Variants in TEAD2 observed in about 807,000 individuals in gnomAD.
TEAD2 encodes TEA domain transcription factor 2, also known as transcriptional enhancer factor TEF-4.
A neutral mutation model predicts 61.4 loss-of-function variants in TEAD2; 51 were observed. The observed-to-expected ratio is 0.83, with a 90% confidence interval of 0.66 to 1.05. The LOEUF (loss-of-function observed/expected upper bound fraction) is 1.05. TEAD2 is among the 50% of genes least tolerant of loss of function. The pLI, the probability that TEAD2 is intolerant of heterozygous loss-of-function variation, is 0.00. For synonymous variants in TEAD2, 244 were observed against 243.2 expected (o/e 1.00, Z -0.03); for missense variants, 509 against 600.0 (o/e 0.85, Z 1.58).
At chr19:49,342,053 G>A (rs1336589692) in intron 12 of TEAD2, among the ~76,000 whole-genome samples, 6 of 152,136 alleles carry the variant, frequency 3.9e-5, no homozygotes, top group African/African-American at 9.7e-5. Context: ...TTAGCCAGGC[G>A]TGGTGGGGCG....
intron 7 of TEAD2, among the ~76,000 whole-genome samples, chr19:49,353,101 T>C (rs1249341158): frequency 2.0e-5 from 3 of 146,622 alleles, no homozygotes; most frequent in Non-Finnish European, 4.5e-5. Flanking sequence ...ACTCCCATTC[T>C]TTTTTTTTTT....
At chr19:49,344,428 A>G (rs1266454807) in intron 10 of TEAD2, among the ~76,000 whole-genome samples, 1 of 151,854 alleles carries the variant, frequency 6.6e-6, no homozygotes, top group Non-Finnish European at 1.5e-5. Context: ...TTACAGGCGC[A>G]CGCCACCATG....
chr19:49,357,228 C>A, intron 4 of TEAD2, 24 bp downstream of exon 4: 1 of 1,602,466 alleles, frequency 6.2e-7, no homozygotes, highest in Non-Finnish European at 8.5e-7. Context: ...GTCCCCCTCT[C>A]AGGATGTCTG....
chr19:49,346,178 A>T (rs1387670038), intron 10 of TEAD2, among the ~76,000 whole-genome samples: 111 of 148,056 alleles, frequency 7.5e-4, no homozygotes, highest in East Asian at 3.2e-3. Context: ...AAAAAAAAAA[A>T]AAAAAAACAA....
intron 7 of TEAD2, among the ~76,000 whole-genome samples, chr19:49,353,958 T>TA (rs1568573034): frequency 0.015 from 1,059 of 68,470 alleles, 8 homozygotes; most frequent in Middle Eastern, 0.064. Flanking sequence ...TTGTTTTTTG[T>TA]TTTTTTTTTT....
chr19:49,345,214 G>A (rs906797258), intron 10 of TEAD2, among the ~76,000 whole-genome samples: 7 of 152,170 alleles, frequency 4.6e-5, no homozygotes, highest in Admixed American at 2.6e-4. Flanking sequence ...CTCCAGAACC[G>A]TGAACAGCAA....
chr19:49,357,240 A>G lies in TEAD2; in HGVS notation c.360+12T>C. ...TCTGTCCCCCTCTCAGGATGTCTGCATTGGTCCCTACCTTCAACTTGGACT... is the reference window on the plus strand; with the variant it reads ...TCTGTCCCCCTCTCAGGATGTCTGCGTTGGTCCCTACCTTCAACTTGGACT... On this transcript the variant is annotated intron_variant, in intron 4 of 12. Coordinates refer to ENST00000593945, the MANE Select transcript of TEAD2 (RefSeq NM_001256660.2). 6.8e-7 allele frequency: 1 copy of G among 1,479,902 alleles called. No individual in the cohort carries two copies. 91.7% of individuals were successfully genotyped at this position (1,479,902 alleles called of 1,614,324 possible).
chr19:49,347,736 AG>A (rs1691771587), intron 9 of TEAD2, among the ~76,000 whole-genome samples: 1 of 152,104 alleles, frequency 6.6e-6, no homozygotes. Flanking sequence ...ATAGCTCCCC[AG>A]CAGCCCCAGG....
At chr19:49,356,966 C>CTGGGTCTCTGTCCCCCTCTGTCTA (rs1972443669) in intron 4 of TEAD2, among the ~76,000 whole-genome samples, 1 of 151,388 alleles carries the variant, frequency 6.6e-6, no homozygotes, top group Non-Finnish European at 1.5e-5. Context: ...CCCTCTGTCT[C>CTGGGTCTCTGTCCCCCTCTGTCTA]TGGGTCTCTG....
intron 4 of TEAD2, 94 bp downstream of exon 4, chr19:49,357,158 C>A: frequency 7.8e-7 from 1 of 1,287,652 alleles, no homozygotes; most frequent in South Asian, 1.2e-5. Flanking sequence ...GTCTCTGTCC[C>A]CCTCTCCCTG....
chr19:49,342,693 A>G, intron 11 of TEAD2, 103 bp from the exon 12 acceptor site: 1 of 1,408,782 alleles, frequency 7.1e-7, no homozygotes, highest in Non-Finnish European at 9.8e-7. Context: ...CACCACACTC[A>G]CTCTCACTGC....
intron 9 of TEAD2, among the ~76,000 whole-genome samples, chr19:49,347,870 T>G (rs1269367371): frequency 1.3e-5 from 2 of 152,164 alleles, no homozygotes; most frequent in Admixed American, 1.3e-4. Context: ...TGATTGATGT[T>G]TATATGGTGT....
At position 49,360,003 on chromosome 19, in the gene TEAD2, C is replaced by T. The variant is rs2146656297; in HGVS notation, c.73G>A (p.Glu25Lys). ...GCCCCCTCACTGCCGCCGGTACCCTCCTCACTGCCTTCCTCACTGCCCGTC... is the reference window on the plus strand; with the variant it reads ...GCCCCCTCACTGCCGCCGGTACCCTTCTCACTGCCTTCCTCACTGCCCGTC... Reference protein sequence around the residue: ...GWTGSEEGSEEGTGGSEGAGG... With the variant: ...GWTGSEEGSEKGTGGSEGAGG... The change falls in exon 2 of 13, where the codon GAG becomes AAG. Residue 25 changes from glutamate to lysine, a missense_variant. Glu to Lys is a moderately conservative substitution (Grantham distance 56, BLOSUM62 1). Transcript: ENST00000593945. 5 of 1,609,590 alleles carry T rather than the reference C, an allele frequency of 3.1e-6. No homozygotes were observed. The highest frequency in any genetic ancestry group is 2.2e-5 in the East Asian group (1 of 44,880).
At chr19:49,350,315 T>A (rs1971930874) in intron 8 of TEAD2, among the ~76,000 whole-genome samples, 1 of 152,168 alleles carries the variant, frequency 6.6e-6, no homozygotes, top group South Asian at 2.1e-4. Context: ...TATTATTTTT[T>A]ATTTTATTTA....
chr19:49,350,297 A>T (rs931129833), intron 8 of TEAD2, among the ~76,000 whole-genome samples: 3 of 151,668 alleles, frequency 2.0e-5, no homozygotes, highest in Admixed American at 1.3e-4. Context: ...AAATCAATAC[A>T]TTTTTCTTAT....
chr19:49,343,616 G>A (rs978251945), intron 10 of TEAD2, among the ~76,000 whole-genome samples: 1 of 151,996 alleles, frequency 6.6e-6, no homozygotes, highest in Non-Finnish European at 1.5e-5. Flanking sequence ...GTGCATGCTT[G>A]TAATCCCAGC....
Position 49,359,192 on chromosome 19 carries a change from C to T in TEAD2, c.297+243G>A, listed in dbSNP as rs1259418109. ...GGCAGAGGTTGCAGTGAGCCAAGAT[C>T]GCGCCACTGCACTCCGGCCTGGGCA... On this transcript the variant is annotated intron_variant, in intron 3 of 12. Coordinates refer to ENST00000593945, the MANE Select transcript of TEAD2 (RefSeq NM_001256660.2). This position sits in a 1 kb window ranked among gnomAD's most constrained non-coding sequence, Gnocchi z 4.1. 1.6e-5 allele frequency: 7 copies of T among 446,454 alleles called. No individual in the cohort carries two copies. The highest frequency in any genetic ancestry group is 2.5e-5 in the South Asian group (1 of 40,230). The allele number at this position is 446,454 out of a possible 1,614,324, so 27.7% of individuals were successfully genotyped here.
intron 1 of TEAD2, chr19:49,360,345 C>A: frequency 2.0e-6 from 1 of 495,720 alleles, no homozygotes; most frequent in South Asian, 3.4e-5. Flanking sequence ...GCCTGGACTC[C>A]TGGGTCTGAG....
intron 5 of TEAD2, 82 bp from the exon 6 acceptor site, chr19:49,355,501 A>G: frequency 8.1e-7 from 1 of 1,227,088 alleles, no homozygotes; most frequent in Non-Finnish European, 1.2e-6. Flanking sequence ...GGTGGGGTGA[A>G]GACGGGGAGG....
Sources: gnomAD v4.1 joint callset for allele counts (sites outside exome capture counted in the v4.1 genomes callset) on GRCh38, gnomAD v4.1.1 for gene constraint, Gnocchi (gnomAD v3.1) non-coding constraint, MANE v1.5 for transcripts, NCBI Gene and HGNC (gene_info 2026-07-23, HGNC 2026-07-21) for gene names.